Variants in SKAP1 observed in about 807,000 individuals in gnomAD.
SKAP1 encodes the protein src kinase-associated phosphoprotein 1.
Under a neutral mutation model 58.5 loss-of-function variants are expected in SKAP1, and 44 were observed. That is an observed-to-expected ratio of 0.75 (90% confidence interval 0.59 to 0.97). The LOEUF (loss-of-function observed/expected upper bound fraction) is 0.97, where lower values mean the gene tolerates loss of function less well. SKAP1 is among the 50% of genes least tolerant of loss of function. The pLI is 0.00. For missense variants in SKAP1, 390 were observed against 435.2 expected (o/e 0.90, Z 0.92); for synonymous variants, 127 against 149.7 (o/e 0.85, Z 1.11).
At chr17:48,406,300 A>C (rs1044836561) in intron 1 of SKAP1, among the ~76,000 whole-genome samples, 10 of 152,070 alleles carry the variant, frequency 6.6e-5, no homozygotes, top group African/African-American at 2.4e-4. Context: ...CAACAAAAGC[A>C]GCATACAAAC....
chr17:48,195,173 C>A (rs1403191654), intron 4 of SKAP1, among the ~76,000 whole-genome samples: 1 of 152,154 alleles, frequency 6.6e-6, no homozygotes, highest in Admixed American at 6.6e-5. Flanking sequence ...ATTTCTGTGG[C>A]CTTCTTTAAT....
At chr17:48,232,505 C>T (rs753387636) in intron 4 of SKAP1, among the ~76,000 whole-genome samples, 12 of 152,166 alleles carry the variant, frequency 7.9e-5, no homozygotes, top group Non-Finnish European at 1.2e-4. Context: ...TTTGAGTCAA[C>T]GGTAAAGGTT....
chr17:48,174,041 C>T (rs147652052), intron 9 of SKAP1, among the ~76,000 whole-genome samples: 9 of 152,246 alleles, frequency 5.9e-5, no homozygotes, highest in Non-Finnish European at 8.8e-5. Context: ...GGCAACAGCA[C>T]TTAATCTAGT....
At chr17:48,205,966 C>T (rs964250385) in intron 4 of SKAP1, among the ~76,000 whole-genome samples, 19 of 151,816 alleles carry the variant, frequency 1.3e-4, no homozygotes, top group African/African-American at 4.6e-4. Flanking sequence ...GGGTCCAGAA[C>T]GTGGTGCTCT....
chr17:48,265,550 G>A (rs1238655680), intron 4 of SKAP1, among the ~76,000 whole-genome samples: 1 of 151,182 alleles, frequency 6.6e-6, no homozygotes, highest in African/African-American at 2.4e-5. Context: ...ACTGTGGTGT[G>A]TGGTTACTGT....
chr17:48,359,438 C>G (rs1439764127), intron 3 of SKAP1, among the ~76,000 whole-genome samples: 1 of 152,128 alleles, frequency 6.6e-6, no homozygotes, highest in Admixed American at 6.5e-5. Context: ...ATTTCTAATT[C>G]TCTCATAGAT....
At chr17:48,248,186 A>G (rs1354386917) in intron 4 of SKAP1, among the ~76,000 whole-genome samples, 1 of 152,212 alleles carries the variant, frequency 6.6e-6, no homozygotes, top group Non-Finnish European at 1.5e-5. Context: ...TGGCCTGCGC[A>G]GGAACAGGTA....
At chr17:48,387,355 C>G (rs2067289861) in intron 2 of SKAP1, among the ~76,000 whole-genome samples, 1 of 152,144 alleles carries the variant, frequency 6.6e-6, no homozygotes, top group South Asian at 2.1e-4. Flanking sequence ...ACTCTCTTCC[C>G]TCCACCGTGC....
the SKAP1 span, among the ~76,000 whole-genome samples, chr17:48,442,616 C>T: frequency 6.6e-6 from 1 of 152,188 alleles, no homozygotes; most frequent in Admixed American, 6.5e-5. Context: ...AAGTAAATGG[C>T]ACCATGGATA....
intron 11 of SKAP1, 66 bp from the exon 12 acceptor site, chr17:48,137,403 G>T: frequency 9.5e-7 from 1 of 1,051,678 alleles, no homozygotes; most frequent in South Asian, 1.3e-5. Flanking sequence ...TTATTCTAGT[G>T]ATTGCATGGG....
intron 11 of SKAP1, among the ~76,000 whole-genome samples, chr17:48,152,198 T>A (rs966195770): frequency 2.6e-5 from 4 of 152,212 alleles, no homozygotes; most frequent in African/African-American, 9.7e-5. Flanking sequence ...AGCTTTTCTG[T>A]GTTCTAATCA....
At chr17:48,146,510 G>A (rs573438037) in intron 11 of SKAP1, among the ~76,000 whole-genome samples, 73 of 149,674 alleles carry the variant, frequency 4.9e-4, no homozygotes, top group Non-Finnish European at 9.6e-4. Context: ...AAAAAACAAT[G>A]AAGGGGAATC....
At chr17:48,143,149 G>A (rs953523438) in intron 11 of SKAP1, among the ~76,000 whole-genome samples, 2 of 144,200 alleles carry the variant, frequency 1.4e-5, no homozygotes, top group African/African-American at 5.2e-5. Flanking sequence ...TCTCCCTACA[G>A]TTCGCAACGT....
intron 2 of SKAP1, among the ~76,000 whole-genome samples, chr17:48,367,096 TACTTTA>T (rs1233151616): frequency 2.0e-5 from 3 of 152,216 alleles, no homozygotes; most frequent in Non-Finnish European, 4.4e-5. Context: ...TTTCTCTACC[TACTTTA>T]AAGTGCCCTG....
At chr17:48,216,700 T>A (rs2064944045) in intron 4 of SKAP1, among the ~76,000 whole-genome samples, 1 of 152,050 alleles carries the variant, frequency 6.6e-6, no homozygotes, top group South Asian at 2.1e-4. Flanking sequence ...CCATGTTATC[T>A]AGGCTAGTCT....
Position 48,160,718 on chromosome 17 carries a change from C to A in SKAP1, c.978+1751G>T, listed in dbSNP as rs552097871. Among the ~76,000 whole-genome samples the A allele has an allele frequency of 3.3e-5, 5 of 152,340 alleles. No individual in the cohort carries two copies. In the East Asian group the frequency reaches 5.8e-4, roughly 18 times the overall value. On this transcript the variant is annotated intron_variant, in intron 11 of 12. Transcript: ENST00000336915. ...AGCCAGTCTGGCTCTGTTCTTCCCC[C>A]CTCCTGCTGCAGGCACCTCCAGACA...
intron 10 of SKAP1, among the ~76,000 whole-genome samples, chr17:48,166,768 C>G (rs931375263): frequency 2.0e-5 from 3 of 152,104 alleles, no homozygotes; most frequent in Non-Finnish European, 2.9e-5. Context: ...CAAAAAACGC[C>G]AAAGTAGTGA....
At chr17:48,252,022 A>G (rs2065369945) in intron 4 of SKAP1, among the ~76,000 whole-genome samples, 2 of 152,312 alleles carry the variant, frequency 1.3e-5, no homozygotes, top group South Asian at 4.1e-4. Flanking sequence ...ATTCTGGAAA[A>G]AAATAACTGC....
At chr17:48,178,609 T>G (rs2064323427) in intron 9 of SKAP1, among the ~76,000 whole-genome samples, 1 of 152,254 alleles carries the variant, frequency 6.6e-6, no homozygotes, top group Non-Finnish European at 1.5e-5. Context: ...CACTGCTCGT[T>G]GCTTTCTAAC....
Sources: gnomAD v4.1 joint callset for allele counts (sites outside exome capture counted in the v4.1 genomes callset) on GRCh38, gnomAD v4.1.1 for gene constraint, MANE v1.5 for transcripts, NCBI Gene and HGNC (gene_info 2026-07-23, HGNC 2026-07-21) for gene names.